Variants in THOP1 observed in about 807,000 individuals in gnomAD.
The protein encoded by THOP1 is thimet oligopeptidase.
Under a neutral mutation model 71.8 loss-of-function variants are expected in THOP1, and 49 were observed. The observed-to-expected ratio is 0.68, with a 90% CI of 0.54 to 0.87. The LOEUF is 0.87. Among genes scored for constraint, THOP1 ranks in the 40% least tolerant of loss-of-function variants. The pLI is 0.00. For synonymous variants in THOP1, 426 were observed against 421.5 expected (o/e 1.01, Z -0.13); for missense variants, 843 against 975.6 (o/e 0.86, Z 1.81).
Position 2,804,165 on chromosome 19 carries a change from A to G in THOP1, c.590-851A>G, listed in dbSNP as rs1916231286. 6.6e-6 allele frequency among the ~76,000 whole-genome samples: 1 copy of G among 152,176 alleles called. No homozygotes were observed. Among genetic ancestry groups the G allele is most frequent in the Non-Finnish European group, 1.5e-5 (1 of 68,036 alleles). ...TGCATTGAAGCTGCAAGCCTGAGGC[A>G]CGGTGGCCCTGGCGTCTCCCGAGCC... On this transcript the variant is annotated intron_variant, in intron 5 of 12. Transcript: ENST00000307741. The surrounding 1 kb of genome is among the most constrained non-coding windows in gnomAD (Gnocchi z 4.7).
intron 2 of THOP1, among the ~76,000 whole-genome samples, chr19:2,793,297 A>G (rs1915927439): frequency 6.6e-6 from 1 of 151,958 alleles, no homozygotes; most frequent in Non-Finnish European, 1.5e-5. Flanking sequence ...GAAATTTTAT[A>G]CCCTTAAGTG....
At chr19:2,797,639 G>A (rs995304890) in intron 4 of THOP1, among the ~76,000 whole-genome samples, 1 of 152,250 alleles carries the variant, frequency 6.6e-6, no homozygotes, top group African/African-American at 2.4e-5. Context: ...GCTTAAGACA[G>A]GCCAGGTTAA....
chr19:2,805,680 A>G lies in THOP1; in HGVS notation c.750+504A>G, dbSNP rs1247268917. ...GTCAGGTGGTCTCTGCACGTCTCCC[A>G]TTCGCCATCTGGAACAGGCAGAGGC... is the stretch of plus-strand genomic sequence containing the variant. On this transcript the variant is annotated intron_variant, in intron 6 of 12. Transcript: ENST00000307741. The surrounding 1 kb of genome is among the most constrained non-coding windows in gnomAD (Gnocchi z 6.6). 2.6e-5 allele frequency among the ~76,000 whole-genome samples: 4 copies of G among 152,004 alleles called. No individual in the cohort carries two copies. Among genetic ancestry groups the G allele is most frequent in the Non-Finnish European group, 2.9e-5 (2 of 67,996 alleles).
At position 2,807,378 on chromosome 19, in the gene THOP1, G is replaced by A. The variant is rs895545593; in HGVS notation, c.887-64G>A. ...CCTGACGAAGTCGCGGCCGCGGGCG[G>A]GCGAGCCCAGAGCCATGGAGGAGCC... On this transcript the variant is annotated intron_variant, in intron 7 of 12. Transcript: ENST00000307741. 1.6e-5 allele frequency: 24 copies of A among 1,495,800 alleles called. No individual in the cohort carries two copies. The African/African-American group carries it at 3.4e-4, about 21-fold the overall frequency. 92.7% of individuals were successfully genotyped at this position (1,495,800 alleles called of 1,614,324 possible). A position where few individuals can be genotyped will look rare whatever the true frequency, so the allele number is the denominator to read the frequency against.
chr19:2,806,169 G>C (rs982599750), intron 6 of THOP1: 1 of 152,360 alleles, frequency 6.6e-6, no homozygotes, highest in African/African-American at 2.4e-5. Flanking sequence ...GTGGACCCGT[G>C]GACTGGGCAC....
chr19:2,815,458 C>G lies in THOP1; in HGVS notation c.*2182C>G, dbSNP rs1359104917. 6.6e-6 allele frequency: 1 copy of G among 152,378 alleles called. No individual in the cohort carries two copies. The highest frequency in any genetic ancestry group is 1.5e-5 in the Non-Finnish European group (1 of 68,122). The allele number at this position is 152,378 out of a possible 1,614,324, so 9.4% of individuals were successfully genotyped here. ...CGCCTCCCCCAGCATGTCCCCTGCT[C>G]TGTGGACACCCAGGGATGTGGAGGT... On this transcript the variant is annotated 3_prime_UTR_variant, in exon 13 of 13. Transcript: ENST00000307741.
Position 2,813,222 on chromosome 19 carries a change from C to T in THOP1, c.2016C>T (p.Leu672=), listed in dbSNP as rs781775436. Residue 672 remains leucine (L), a synonymous_variant, in exon 13 of 13, where the codon CTC becomes CTT. Coordinates refer to ENST00000307741, the MANE Select transcript of THOP1 (RefSeq NM_003249.5). ...LGRDPKQDAF[L]LSKGLQVGGC... is the part of the protein sequence containing the mutation. Reference sequence around the variant, plus strand: ...GTGACCCCAAGCAGGACGCCTTCCTCCTGAGCAAGGGGCTGCAGGTCGGGG... The same window carrying T: ...GTGACCCCAAGCAGGACGCCTTCCTTCTGAGCAAGGGGCTGCAGGTCGGGG... 3 of 1,612,314 alleles carry T rather than the reference C, an allele frequency of 1.9e-6. No individual in the cohort carries two copies. The highest frequency in any genetic ancestry group is 1.7e-5 in the Admixed American group (1 of 59,978).
chr19:2,802,445 A>C (rs1599526739), intron 5 of THOP1, among the ~76,000 whole-genome samples: 1 of 111,602 alleles, frequency 9.0e-6, no homozygotes, highest in East Asian at 2.7e-4. Flanking sequence ...CAACACCAAC[A>C]CCTCCCGACA....
At position 2,796,157 on chromosome 19, in the gene THOP1, A is replaced by C; in HGVS notation, c.455A>C (p.Asn152Thr). 2 of 1,613,734 alleles carry C rather than the reference A, an allele frequency of 1.2e-6. No homozygotes were observed. The highest frequency in any genetic ancestry group is 1.7e-6 in the Non-Finnish European group (2 of 1,179,936). Residue 152 changes from asparagine (N) to threonine (T), a missense_variant, in exon 4 of 13, where the codon AAT (asparagine) becomes ACT (threonine). Asn to Thr is a moderately conservative substitution (Grantham distance 65, BLOSUM62 0). Coordinates refer to ENST00000307741, the MANE Select transcript of THOP1 (RefSeq NM_003249.5). ...LERLIKLGRR[N>T]GLHLPRETQE... ...CGGCTAATCAAGCTGGGCCGGAGAAATGGGCTTCACCTCCCCAGAGAGACT... is the reference window on the plus strand; with the variant it reads ...CGGCTAATCAAGCTGGGCCGGAGAACTGGGCTTCACCTCCCCAGAGAGACT...
intron 2 of THOP1, 138 bp from the exon 3 acceptor site, chr19:2,794,623 CCCA>C: frequency 9.5e-7 from 1 of 1,054,968 alleles, no homozygotes; most frequent in Non-Finnish European, 1.4e-6. Flanking sequence ...TGCCTCTAGT[CCCA>C]GCTACTTGGG....
In THOP1 at chr19:2,791,535, G is replaced by A. The variant is rs115846475; in HGVS notation, c.229+902G>A. ...CAAGCACCCCAAGCCTGCAGGTCCC[G>A]CAGCCCCTGATTGGAATCCTGACCC... On this transcript the variant is annotated intron_variant, in intron 2 of 12. Coordinates refer to ENST00000307741, the MANE Select transcript of THOP1 (RefSeq NM_003249.5). 8.0e-3 allele frequency among the ~76,000 whole-genome samples: 1,220 copies of A among 152,308 alleles called. 12 individuals carry two copies. The highest frequency in any genetic ancestry group is 0.027 in the African/African-American group (1,133 of 41,582).
intron 3 of THOP1, among the ~76,000 whole-genome samples, chr19:2,795,474 C>T (rs1915992033): frequency 6.6e-6 from 1 of 152,234 alleles, no homozygotes; most frequent in Non-Finnish European, 1.5e-5. Context: ...TCCTCTTAGG[C>T]GAGGACCCCT....
At chr19:2,806,549 G>A in intron 6 of THOP1, 1 of 298,570 alleles carries the variant, frequency 3.3e-6, no homozygotes, top group Non-Finnish European at 6.3e-6. Context: ...GAGGCTGTGT[G>A]CATGTCATTT....
chr19:2,807,484 G>T lies in THOP1; in HGVS notation c.929G>T (p.Arg310Leu), dbSNP rs370445695. The T allele has an allele frequency of 1.2e-6, 2 of 1,609,196 alleles. No individual in the cohort carries two copies. Among genetic ancestry groups the T allele is most frequent in the Non-Finnish European group, 1.7e-6 (2 of 1,178,458 alleles). The change falls in exon 8 of 13, where the codon CGT becomes CTT. Residue 310 changes from arginine (R) to leucine (L), a missense_variant. Coordinates refer to ENST00000307741, the MANE Select transcript of THOP1 (RefSeq NM_003249.5). ...CTGAAGCCCCTGGGGGAGCAGGAGCGTGCGGTGATTCTGGAGCTGAAGCGT... is the reference window on the plus strand; with the variant it reads ...CTGAAGCCCCTGGGGGAGCAGGAGCTTGCGGTGATTCTGGAGCTGAAGCGT... ...QKLKPLGEQE[R>L]AVILELKRAE...
Position 2,804,947 on chromosome 19 carries a change from C to T in THOP1, c.590-69C>T. 4 of 1,485,680 alleles carry T rather than the reference C, an allele frequency of 2.7e-6. No homozygotes were observed. The highest frequency in any genetic ancestry group is 3.6e-6 in the Non-Finnish European group (4 of 1,108,540). 92.0% of individuals were successfully genotyped at this position (1,485,680 alleles called of 1,614,324 possible). A position where few individuals can be genotyped will look rare whatever the true frequency, so the allele number is the denominator to read the frequency against. On this transcript the variant is annotated intron_variant, in intron 5 of 12. Coordinates refer to ENST00000307741, the MANE Select transcript of THOP1 (RefSeq NM_003249.5). The surrounding 1 kb of genome is among the most constrained non-coding windows in gnomAD (Gnocchi z 4.7). ...AGGCAGAGGGGAAGCCCACCCCTTC[C>T]CTCACACGCTGTGTGCAGGCTGTGG... is the stretch of plus-strand genomic sequence containing the variant.
At chr19:2,812,087 C>T (rs1448386855) in intron 12 of THOP1, 3 of 1,317,918 alleles carry the variant, frequency 2.3e-6, no homozygotes, top group Admixed American at 2.9e-5. Flanking sequence ...CGTGTCTTCC[C>T]ATACGAGTCC....
intron 5 of THOP1, 119 bp downstream of exon 5, chr19:2,799,910 G>A (rs1258865703): frequency 2.2e-6 from 2 of 926,166 alleles, no homozygotes; most frequent in Non-Finnish European, 3.3e-6. Context: ...GGCGGCGGGA[G>A]GCCGAAGTAC....
chr19:2,794,667 A>T, intron 2 of THOP1, 97 bp from the exon 3 acceptor site: 2 of 1,439,326 alleles, frequency 1.4e-6, no homozygotes, highest in Non-Finnish European at 1.9e-6. Flanking sequence ...TCACGGGGGG[A>T]TTCAGCAGAC....
chr19:2,810,429 A>T lies in THOP1; in HGVS notation c.1581A>T (p.Thr527=), dbSNP rs376494124. The change falls in exon 10 of 13, where the codon ACA becomes ACT. Residue 527 remains threonine (T), a synonymous_variant. Transcript: ENST00000307741. ...TGCGGATGTCGCGGCACTACCGCAC[A>T]GGCAGCGCCGTGCCCCGGGAGCTCC... ...PLLRMSRHYR[T]GSAVPRELLE... is the part of the protein sequence containing the mutation. The T allele has an allele frequency of 1.9e-6, 3 of 1,601,804 alleles. No homozygotes were observed. Among genetic ancestry groups the T allele is most frequent in the Non-Finnish European group, 2.5e-6 (3 of 1,176,528 alleles).
Sources: allele counts gnomAD v4.1 joint callset (sites outside exome capture counted in the v4.1 genomes callset), GRCh38; gene constraint gnomAD v4.1.1; non-coding constraint Gnocchi (gnomAD v3.1); transcripts MANE v1.5; gene names NCBI Gene and HGNC (gene_info 2026-07-23, HGNC 2026-07-21).